TNPO3: variants seen among roughly 807,000 people sequenced by gnomAD.
TNPO3 encodes transportin 3, also known as transportin-3.
A neutral mutation model predicts 122.8 loss-of-function variants in TNPO3; 65 were observed. The observed-to-expected ratio is 0.53, with a 90% CI of 0.43 to 0.65. The LOEUF (loss-of-function observed/expected upper bound fraction) is 0.65, where lower values mean the gene tolerates loss of function less well. TNPO3 is among the 30% of genes least tolerant of loss of function. The pLI is 0.00. For synonymous variants in TNPO3, 372 were observed against 411.2 expected, an observed-to-expected ratio of 0.90 and a Z score of 1.15; for missense variants, 850 against 1,136.7, an observed-to-expected ratio of 0.75 and a Z score of 3.63.
rs201918010 is a variant in TNPO3, at chr7:128,994,356, C to A, written c.1159-442G>T. Among the ~76,000 whole-genome samples, 44 of 152,170 alleles carry A rather than the reference C, an allele frequency of 2.9e-4. No individual in the cohort carries two copies. The East Asian group carries it at 6.0e-3, about 21-fold the overall frequency. On this transcript the variant is annotated intron_variant, in intron 8 of 22. Coordinates refer to ENST00000265388, the MANE Select transcript of TNPO3 (RefSeq NM_012470.4). ...TATTTTTAGTAGAGACAGGGTTTTA[C>A]CATGTTGGCCAGGCTGGTCTCGATC...
intron 1 of TNPO3, among the ~76,000 whole-genome samples, chr7:129,054,037 T>C (rs3807300): frequency 0.014 from 2,115 of 152,290 alleles, 40 homozygotes; most frequent in East Asian, 0.065. Context: ...AGGATTAATA[T>C]GAAACAAAAT....
intron 1 of TNPO3, among the ~76,000 whole-genome samples, chr7:129,036,660 G>A (rs2150520497): frequency 6.6e-6 from 1 of 152,192 alleles, no homozygotes; most frequent in Non-Finnish European, 1.5e-5. Flanking sequence ...AAAAGTTTAA[G>A]GAGTAGGGCT....
chr7:128,976,748 T>C (rs1042488277), intron 16 of TNPO3, among the ~76,000 whole-genome samples: 9 of 152,254 alleles, frequency 5.9e-5, no homozygotes, highest in African/African-American at 2.2e-4. Context: ...TACATATGTA[T>C]TGATCTTATT....
intron 13 of TNPO3, among the ~76,000 whole-genome samples, chr7:128,982,856 G>A (rs1299955365): frequency 6.6e-6 from 1 of 152,188 alleles, no homozygotes; most frequent in Non-Finnish European, 1.5e-5. Context: ...CCATTGGTAT[G>A]TCTAAAGTTA....
intron 22 of TNPO3, among the ~76,000 whole-genome samples, chr7:128,956,319 C>A (rs1322816850): frequency 6.6e-6 from 1 of 152,172 alleles, no homozygotes; most frequent in African/African-American, 2.4e-5. Context: ...AGAAACTCAC[C>A]TTGAGACATC....
rs1466665707 is a variant in TNPO3, at chr7:128,986,737, A to C, written c.1682T>G (p.Leu561Trp). Residue 561 changes from leucine to tryptophan, a missense_variant, in exon 12 of 23, where the codon TTG becomes TGG. Transcript: ENST00000265388. Reference protein sequence around the residue: ...FLLSPEAAVGLLKGTALVLAR... With the variant: ...FLLSPEAAVGWLKGTALVLAR... ...TAACATCAAGTGAGTACCTTTTAGC[A>C]AGCCCACAGCAGCTTCTGGAGACAA... The C allele has an allele frequency of 6.2e-7, 1 of 1,611,808 alleles. No individual in the cohort carries two copies.
At chr7:128,992,493 C>T (rs1435726139) in intron 9 of TNPO3, among the ~76,000 whole-genome samples, 1 of 152,100 alleles carries the variant, frequency 6.6e-6, no homozygotes, top group African/African-American at 2.4e-5. Context: ...AACTACTTGT[C>T]TGCATCAACA....
rs71162549 is a variant in TNPO3 at position 129,027,558 on chromosome 7, C to CAAAA, written c.121-9405_121-9402dup. ...CCTGGGCAACAGAGCAAGACTGTCT[C>CAAAA]AAAAAAAAAAAAAAAAAAAAAAAAA... On this transcript the variant is annotated intron_variant, in intron 1 of 22. Transcript: ENST00000265388. 7.7e-3 allele frequency among the ~76,000 whole-genome samples: 69 copies of CAAAA among 8,938 alleles called. 7 individuals are homozygous for CAAAA. The highest frequency in any genetic ancestry group is 0.023 in the East Asian group (5 of 216). The allele number at this position is 8,938 out of a possible 152,430, so 5.9% of individuals were successfully genotyped here.
intron 20 of TNPO3, among the ~76,000 whole-genome samples, chr7:128,968,043 T>C (rs1325482969): frequency 6.6e-6 from 1 of 152,294 alleles, no homozygotes; most frequent in South Asian, 2.1e-4. Context: ...TTGACCAGTA[T>C]ATTTTTAAAA....
chr7:129,033,457 G>A (rs1057472860), intron 1 of TNPO3, among the ~76,000 whole-genome samples: 3 of 152,134 alleles, frequency 2.0e-5, no homozygotes, highest in East Asian at 3.8e-4. Context: ...AATAATATGT[G>A]TTATCAAGAA....
At position 128,993,824 on chromosome 7, in the gene TNPO3, T is replaced by C. The variant is rs749899142; in HGVS notation, c.1249A>G (p.Met417Val). The C allele has an allele frequency of 1.1e-5, 17 of 1,613,888 alleles. No individual in the cohort carries two copies. The highest frequency in any genetic ancestry group is 2.2e-5 in the East Asian group (1 of 44,886). The change falls in exon 9 of 23, where the codon ATG becomes GTG. Residue 417 changes from methionine (M) to valine (V), a missense_variant. By Grantham distance (21) the Met-to-Val change is conservative. Coordinates refer to ENST00000265388, the MANE Select transcript of TNPO3 (RefSeq NM_012470.4). ...VKDLIFLIGS[M>V]ECFAQLYSTL... Reference sequence around the variant, plus strand: ...AGGCTTACCTGAGCAAAACACTCCATAGACCCTATCAAGAAAATCAAGTCC... The same window carrying C: ...AGGCTTACCTGAGCAAAACACTCCACAGACCCTATCAAGAAAATCAAGTCC...
In TNPO3 at chr7:129,027,586, A is replaced by C. The variant is rs1563107445; in HGVS notation, c.121-9429T>G. 4.0e-3 allele frequency among the ~76,000 whole-genome samples: 457 copies of C among 115,430 alleles called. 14 individuals are homozygous for C. Among genetic ancestry groups the C allele is most frequent in the Non-Finnish European group, 6.4e-3 (346 of 53,810 alleles). The allele number at this position is 115,430 out of a possible 152,430, so 75.7% of individuals were successfully genotyped here. A position where few individuals can be genotyped will look rare whatever the true frequency, so the allele number is the denominator to read the frequency against. On this transcript the variant is annotated intron_variant, in intron 1 of 22. Coordinates refer to ENST00000265388, the MANE Select transcript of TNPO3 (RefSeq NM_012470.4). Reference sequence around the variant, plus strand: ...AAAAAAAAAAAAAAAAAAAAAAAAAAAAAAACAACACAAAAAATTCACTAA... The same window carrying C: ...AAAAAAAAAAAAAAAAAAAAAAAAACAAAAACAACACAAAAAATTCACTAA...
At chr7:128,990,391 A>G (rs1585338256) in intron 10 of TNPO3, among the ~76,000 whole-genome samples, 2 of 152,352 alleles carry the variant, frequency 1.3e-5, no homozygotes, top group Middle Eastern at 6.8e-3. Context: ...TAAATTGGAG[A>G]GGCAGACATT....
chr7:128,991,936 T>TA, intron 10 of TNPO3, 63 bp downstream of exon 10: 1 of 1,166,080 alleles, frequency 8.6e-7, no homozygotes, highest in Non-Finnish European at 1.2e-6. Context: ...AAAAAAAAAA[T>TA]AGTGTCATTT....
chr7:128,962,296 T>A (rs1025294823), intron 21 of TNPO3, among the ~76,000 whole-genome samples: 1 of 141,642 alleles, frequency 7.1e-6, no homozygotes, highest in African/African-American at 2.7e-5. Context: ...ACCCGGGAAG[T>A]GGAGCTTGCA....
chr7:128,991,423 A>G (rs1445709652), intron 10 of TNPO3, among the ~76,000 whole-genome samples: 1 of 152,222 alleles, frequency 6.6e-6, no homozygotes. Context: ...TCATGGCACA[A>G]AGTAAATTTT....
intron 21 of TNPO3, among the ~76,000 whole-genome samples, chr7:128,964,258 A>G (rs1399322789): frequency 2.0e-5 from 3 of 151,962 alleles, no homozygotes; most frequent in African/African-American, 7.2e-5. Context: ...TCAAAATCCC[A>G]ACAACCTCTT....
At chr7:129,031,100 C>CT in intron 1 of TNPO3, among the ~76,000 whole-genome samples, 1 of 152,248 alleles carries the variant, frequency 6.6e-6, no homozygotes, top group South Asian at 2.1e-4. Context: ...GCCTGGCCAA[C>CT]ACGTTGAAAC....
At chr7:129,002,900 C>T (rs1244171905) in intron 5 of TNPO3, among the ~76,000 whole-genome samples, 3 of 151,856 alleles carry the variant, frequency 2.0e-5, no homozygotes, top group Admixed American at 6.6e-5. Flanking sequence ...ATTAGCCGGG[C>T]GTGGTGTCAG....
Sources: gnomAD v4.1 joint callset for allele counts (sites outside exome capture counted in the v4.1 genomes callset) on GRCh38, gnomAD v4.1.1 for gene constraint, MANE v1.5 for transcripts, NCBI Gene and HGNC (gene_info 2026-07-23, HGNC 2026-07-21) for gene names.